Variants in ST3GAL6 observed in about 807,000 individuals in gnomAD.
ST3GAL6 encodes type 2 lactosamine alpha-2,3-sialyltransferase.
A neutral mutation model predicts 40.5 loss-of-function variants in ST3GAL6; 31 were observed. That is an observed-to-expected ratio of 0.77 (90% confidence interval 0.58 to 1.03). ST3GAL6 has a LOEUF of 1.03. Ranked by LOEUF, ST3GAL6 falls within the 50% of genes least tolerant of loss-of-function variation. The probability of loss-of-function intolerance (pLI) is 0.00; values close to 1 mark genes in which losing one functional copy is unlikely to be tolerated. For synonymous variants in ST3GAL6, 129 were observed against 136.9 expected (o/e 0.94, Z 0.40); for missense variants, 357 against 393.2 (o/e 0.91, Z 0.78).
upstream of ST3GAL6, among the ~76,000 whole-genome samples, chr3:98,760,321 ACT>A (rs1354200512): frequency 6.6e-6 from 1 of 152,130 alleles, no homozygotes; most frequent in Non-Finnish European, 1.5e-5. Context: ...TGGAGCTGAG[ACT>A]CTGCAGCTCT....
intron 1 of ST3GAL6, among the ~76,000 whole-genome samples, chr3:98,739,440 T>C (rs568645448): frequency 1.3e-5 from 2 of 152,038 alleles, no homozygotes; most frequent in Non-Finnish European, 2.9e-5. Flanking sequence ...AACACAGACC[T>C]CTTGTCTTTG....
Position 98,781,396 on chromosome 3 carries a change from G to A in ST3GAL6, c.336-3549G>A, listed in dbSNP as rs542942899. On this transcript the variant is annotated intron_variant, in intron 5 of 9. Coordinates refer to ENST00000483910, the MANE Select transcript of ST3GAL6 (RefSeq NM_001323368.2). ...TAATGTAGATGATGTGTTGATGGGT[G>A]CAGCAAACCACCACGGCACTTGTAT... is the stretch of plus-strand genomic sequence containing the variant. Among the ~76,000 whole-genome samples the A allele has an allele frequency of 3.3e-5, 5 of 151,860 alleles. No homozygotes were observed. In the South Asian group the frequency reaches 1.0e-3, roughly 32 times the overall value.
Position 98,770,861 on chromosome 3 carries a change from A to G in ST3GAL6, c.90-18A>G. ...TGCCCGATTCTGGTTTCTGACTGAC[A>G]TTATTTTTGTCTCATAGGGTGGCAC... On this transcript the variant is annotated intron_variant, in intron 2 of 9. Coordinates refer to ENST00000483910, the MANE Select transcript of ST3GAL6 (RefSeq NM_001323368.2). 1 of 1,612,912 alleles carries G rather than the reference A, an allele frequency of 6.2e-7. No homozygotes were observed. The highest frequency in any genetic ancestry group is 8.5e-7 in the Non-Finnish European group (1 of 1,179,046).
intron 1 of ST3GAL6, among the ~76,000 whole-genome samples, chr3:98,764,588 G>T (rs1209399454): frequency 1.3e-5 from 2 of 152,188 alleles, no homozygotes; most frequent in Non-Finnish European, 2.9e-5. Flanking sequence ...GTGCTCACTT[G>T]TGAAAGCTCA....
chr3:98,776,654 C>T (rs530336273), intron 5 of ST3GAL6, among the ~76,000 whole-genome samples: 2 of 152,172 alleles, frequency 1.3e-5, no homozygotes, highest in Non-Finnish European at 2.9e-5. Flanking sequence ...GCTGGCCTTG[C>T]TCTCTGCTCA....
Position 98,763,425 on chromosome 3 carries a change from G to C in ST3GAL6, c.-26G>C. 1 of 1,289,770 alleles carries C rather than the reference G, an allele frequency of 7.8e-7. No individual in the cohort carries two copies. The highest frequency in any genetic ancestry group is 1.2e-5 in the South Asian group (1 of 81,020). The allele number at this position is 1,289,770 out of a possible 1,614,324, so 79.9% of individuals were successfully genotyped here. On this transcript the variant is annotated 5_prime_UTR_variant, in exon 1 of 10. Transcript: ENST00000483910. Reference sequence around the variant, plus strand: ...GACACAGGTGTCAGCAGGGCCACCTGGTAAAGGTATGGAGGTGAGCCATGA... The same window carrying C: ...GACACAGGTGTCAGCAGGGCCACCTCGTAAAGGTATGGAGGTGAGCCATGA...
In ST3GAL6 at chr3:98,795,367, G is replaced by C. The variant is rs1941522802; in HGVS notation, c.*1606G>C. The C allele has an allele frequency of 6.6e-6, 1 of 152,168 alleles. No homozygotes were observed. Among genetic ancestry groups the C allele is most frequent in the Admixed American group, 6.5e-5 (1 of 15,272 alleles). The allele number at this position is 152,168 out of a possible 1,614,324, so 9.4% of individuals were successfully genotyped here. A position where few individuals can be genotyped will look rare whatever the true frequency, so the allele number is the denominator to read the frequency against. On this transcript the variant is annotated 3_prime_UTR_variant, in exon 10 of 10. Coordinates refer to ENST00000483910, the MANE Select transcript of ST3GAL6 (RefSeq NM_001323368.2). ...TGCGGTACTTATAAAGCAGAATAAA[G>C]GGGAGAACAGTAGTAGTTGATCTAA...
chr3:98,780,551 GA>G (rs1939997909), intron 5 of ST3GAL6, among the ~76,000 whole-genome samples: 1 of 151,108 alleles, frequency 6.6e-6, no homozygotes, highest in Non-Finnish European at 1.5e-5. Context: ...CGTTCTAAAT[GA>G]GGCAATGTCT....
At chr3:98,733,011 G>A (rs1935171262) in intron 1 of ST3GAL6, 3 of 1,451,490 alleles carry the variant, frequency 2.1e-6, no homozygotes, top group Non-Finnish European at 1.8e-6. Context: ...GCACTGCCCG[G>A]GTGAGGGAAA....
intron 6 of ST3GAL6, among the ~76,000 whole-genome samples, chr3:98,785,396 T>G (rs977542725): frequency 3.3e-5 from 5 of 152,226 alleles, no homozygotes; most frequent in African/African-American, 1.2e-4. Flanking sequence ...AATCTTTGAA[T>G]GGCTCCTTTG....
In ST3GAL6 at chr3:98,771,001, A is replaced by G. The variant is rs1462285164; in HGVS notation, c.167+45A>G. On this transcript the variant is annotated intron_variant, in intron 3 of 9. Transcript: ENST00000483910. ...ACCTGTGGCATACAAAATATTCTAA[A>G]TGTGCTTGTAATCATTTTCCACACT... 3.1e-6 allele frequency: 5 copies of G among 1,594,124 alleles called. No homozygotes were observed. The Admixed American group carries it at 6.7e-5, about 21-fold the overall frequency.
chr3:98,732,987 T>A, intron 1 of ST3GAL6: 1 of 1,489,522 alleles, frequency 6.7e-7, no homozygotes, highest in Non-Finnish European at 8.9e-7. Flanking sequence ...GCCGGCCGGC[T>A]TCGCTGCGGG....
chr3:98,787,777 G>T (rs1261481090), intron 6 of ST3GAL6, among the ~76,000 whole-genome samples: 1 of 152,160 alleles, frequency 6.6e-6, no homozygotes, highest in Non-Finnish European at 1.5e-5. Flanking sequence ...TTCCCCTGGA[G>T]GTAAGACTGA....
chr3:98,786,988 G>GTGTGTGTGTGT (rs1378933879), intron 6 of ST3GAL6, among the ~76,000 whole-genome samples: 10 of 151,424 alleles, frequency 6.6e-5, no homozygotes, highest in Non-Finnish European at 4.4e-5. Context: ...GTGTGTGTTA[G>GTGTGTGTGTGT]GAGTAGCTAT....
chr3:98,788,005 C>G (rs745626034), intron 6 of ST3GAL6, 31 bp from the exon 7 acceptor site: 2 of 1,586,348 alleles, frequency 1.3e-6, no homozygotes, highest in South Asian at 2.3e-5. Flanking sequence ...TGCACTTGGT[C>G]TACATATCTT....
Position 98,788,152 on chromosome 3 carries a change from C to T in ST3GAL6, c.548C>T (p.Thr183Ile), listed in dbSNP as rs772708386. 4 of 1,613,926 alleles carry T rather than the reference C, an allele frequency of 2.5e-6. No homozygotes were observed. The Admixed American group carries it at 6.7e-5, about 27-fold the overall frequency. Residue 183 changes from threonine to isoleucine, a missense_variant, in exon 7 of 10, where the codon ACA becomes ATA. Transcript: ENST00000483910. ...SDPIHNDPNT[T>I]VILTAFKPHD... Reference sequence around the variant, plus strand: ...CCTATTCACAATGACCCTAATACGACAGTGATTCTCACTGCTTTTAAGCCA... The same window carrying T: ...CCTATTCACAATGACCCTAATACGATAGTGATTCTCACTGCTTTTAAGCCA...
At chr3:98,741,077 TGTGTGTGC>T (rs1197305048) in intron 1 of ST3GAL6, among the ~76,000 whole-genome samples, 20 of 148,998 alleles carry the variant, frequency 1.3e-4, no homozygotes, top group African/African-American at 5.0e-4. Flanking sequence ...TGTGTGTGTG[TGTGTGTGC>T]ATGCATGTAT....
intron 1 of ST3GAL6, among the ~76,000 whole-genome samples, chr3:98,746,689 T>C (rs1450431514): frequency 6.6e-6 from 1 of 152,120 alleles, no homozygotes; most frequent in Non-Finnish European, 1.5e-5. Flanking sequence ...ACAAAATTAT[T>C]TTTTTAATTT....
intron 1 of ST3GAL6, among the ~76,000 whole-genome samples, chr3:98,764,798 G>A (rs940713821): frequency 6.6e-6 from 1 of 152,188 alleles, no homozygotes; most frequent in Non-Finnish European, 1.5e-5. Context: ...TACACCAAAA[G>A]CAATTATCAC....
Sources: gnomAD v4.1 joint callset for allele counts (sites outside exome capture counted in the v4.1 genomes callset) on GRCh38, gnomAD v4.1.1 for gene constraint, MANE v1.5 for transcripts, NCBI Gene and HGNC (gene_info 2026-07-23, HGNC 2026-07-21) for gene names.